The following SBF2 variants were observed in gnomAD, a reference collection of about 807,000 sequenced individuals.
SBF2 encodes SET binding factor 2, also known as myotubularin-related protein 13.
A neutral mutation model predicts 225.2 loss-of-function variants in SBF2; 112 were observed. The ratio of observed to expected loss-of-function variants is 0.50; its 90% CI spans 0.43 to 0.58. SBF2 has a LOEUF of 0.58. Ranked by LOEUF, SBF2 falls within the 20% of genes least tolerant of loss-of-function variation. The pLI is 0.00. For synonymous variants in SBF2, 763 were observed against 773.3 expected (o/e 0.99, Z 0.22); for missense variants, 1,996 against 2,206.2 (o/e 0.90, Z 1.91).
chr11:9,925,042 C>T (rs542582060), intron 16 of SBF2, among the ~76,000 whole-genome samples: 2 of 152,270 alleles, frequency 1.3e-5, no homozygotes, highest in Non-Finnish European at 2.9e-5. Flanking sequence ...AGCCACCGCA[C>T]CTGGCCTAAC....
At chr11:10,199,593 G>C (rs553043057) in intron 1 of SBF2, among the ~76,000 whole-genome samples, 2 of 152,300 alleles carry the variant, frequency 1.3e-5, no homozygotes, top group African/African-American at 4.8e-5. Context: ...ATAAACCAAA[G>C]TATGTCTGTC....
chr11:9,927,575 T>G (rs949888414), intron 16 of SBF2, among the ~76,000 whole-genome samples: 6 of 151,682 alleles, frequency 4.0e-5, no homozygotes, highest in Non-Finnish European at 8.8e-5. Flanking sequence ...AAAAATTAAA[T>G]AAAAAAATAA....
chr11:9,840,786 A>T, intron 25 of SBF2, among the ~76,000 whole-genome samples: 1 of 152,166 alleles, frequency 6.6e-6, no homozygotes, highest in African/African-American at 2.4e-5. Flanking sequence ...TTTCCTGGAA[A>T]TATTTTTGTT....
intron 13 of SBF2, among the ~76,000 whole-genome samples, chr11:9,979,698 G>A (rs1946856486): frequency 6.6e-6 from 1 of 152,010 alleles, no homozygotes; most frequent in Non-Finnish European, 1.5e-5. Flanking sequence ...AATGTGTGAT[G>A]TATTTAGAAA....
At chr11:9,831,450 C>G (rs974165868) in intron 27 of SBF2, among the ~76,000 whole-genome samples, 1 of 152,250 alleles carries the variant, frequency 6.6e-6, no homozygotes, top group Non-Finnish European at 1.5e-5. Context: ...ATGATCAAAA[C>G]ATTGGCTGAC....
At chr11:10,182,855 C>A (rs1956791966) in intron 2 of SBF2, among the ~76,000 whole-genome samples, 1 of 151,910 alleles carries the variant, frequency 6.6e-6, no homozygotes, top group South Asian at 2.1e-4. Flanking sequence ...CTCACTGCAA[C>A]CTCCGTGTCC....
rs552012204 is a variant in SBF2 at position 10,209,839 on chromosome 11, AAAG to A, written c.56-15855_56-15853del. On this transcript the variant is annotated intron_variant, in intron 1 of 39. Transcript: ENST00000256190. ...ATAAAAGTATATTTCCTTTCATATA[AAAG>A]ATGTCTCGAAGACAACACTCAGGAT... 7.2e-5 allele frequency among the ~76,000 whole-genome samples: 11 copies of A among 152,274 alleles called. No homozygotes were observed. In the South Asian group the frequency reaches 2.1e-3, roughly 29 times the overall value.
intron 17 of SBF2, among the ~76,000 whole-genome samples, chr11:9,861,319 T>C (rs748868947): frequency 1.3e-5 from 2 of 152,178 alleles, no homozygotes; most frequent in Non-Finnish European, 2.9e-5. Flanking sequence ...CTTAACCTCC[T>C]GAGTAGCTAG....
At chr11:10,301,183 C>G (rs1425712672) in intron 1 of SBF2, among the ~76,000 whole-genome samples, 1 of 152,190 alleles carries the variant, frequency 6.6e-6, no homozygotes, top group Non-Finnish European at 1.5e-5. Flanking sequence ...ATAAACCAGA[C>G]AGAAATTTAA....
At chr11:10,209,176 A>C (rs1355947078) in intron 1 of SBF2, among the ~76,000 whole-genome samples, 2 of 152,130 alleles carry the variant, frequency 1.3e-5, no homozygotes, top group African/African-American at 4.8e-5. Flanking sequence ...AAAAATCCTT[A>C]GTTCTCCAGC....
intron 1 of SBF2, among the ~76,000 whole-genome samples, chr11:10,211,819 A>C (rs1433144051): frequency 6.6e-6 from 1 of 152,192 alleles, no homozygotes; most frequent in Non-Finnish European, 1.5e-5. Context: ...TGATAGATCA[A>C]ATAGTTAACT....
chr11:10,115,835 T>C (rs1024421518), intron 2 of SBF2, among the ~76,000 whole-genome samples: 1 of 152,204 alleles, frequency 6.6e-6, no homozygotes, highest in Non-Finnish European at 1.5e-5. Flanking sequence ...AAAAGTAAGT[T>C]ATAATACTAC....
chr11:10,155,768 A>G (rs559506117), intron 2 of SBF2, among the ~76,000 whole-genome samples: 1 of 152,388 alleles, frequency 6.6e-6, no homozygotes, highest in African/African-American at 2.4e-5. Context: ...TGAAACAGTT[A>G]CAAATGGGGA....
chr11:10,177,888 A>C (rs1423245918), intron 2 of SBF2, among the ~76,000 whole-genome samples: 6,633 of 139,110 alleles, frequency 0.048, 247 homozygotes, highest in East Asian at 0.16. Flanking sequence ...TTGCCAAGAC[A>C]ATCCTAAGCC....
chr11:10,100,190 G>C (rs1365414550), intron 2 of SBF2, among the ~76,000 whole-genome samples: 4 of 152,222 alleles, frequency 2.6e-5, no homozygotes, highest in Admixed American at 2.6e-4. Context: ...AGACAGATTT[G>C]AGTAATTATA....
At chr11:9,905,193 G>A (rs1202238941) in intron 16 of SBF2, among the ~76,000 whole-genome samples, 1 of 152,102 alleles carries the variant, frequency 6.6e-6, no homozygotes, top group Non-Finnish European at 1.5e-5. Flanking sequence ...TTATCACTGA[G>A]GCTAGGAAAT....
chr11:9,942,164 C>A (rs1309335914), intron 16 of SBF2, among the ~76,000 whole-genome samples: 1 of 152,128 alleles, frequency 6.6e-6, no homozygotes, highest in Non-Finnish European at 1.5e-5. Context: ...CTCGAGTGGG[C>A]TCAAGTGATT....
chr11:10,030,571 T>A (rs1290168874), intron 4 of SBF2, among the ~76,000 whole-genome samples: 1 of 152,192 alleles, frequency 6.6e-6, no homozygotes, highest in African/African-American at 2.4e-5. Context: ...TCCTCTTATG[T>A]TTGAAAATTC....
intron 19 of SBF2, among the ~76,000 whole-genome samples, chr11:9,855,336 G>A (rs1370433220): frequency 6.6e-6 from 1 of 152,156 alleles, no homozygotes; most frequent in Admixed American, 6.5e-5. Flanking sequence ...AAGTACCTAG[G>A]ATAACAAGAT....
Sources: allele counts gnomAD v4.1 joint callset (sites outside exome capture counted in the v4.1 genomes callset), GRCh38; gene constraint gnomAD v4.1.1; transcripts MANE v1.5; gene names NCBI Gene and HGNC (gene_info 2026-07-23, HGNC 2026-07-21).